SCOC: variants seen among roughly 807,000 people sequenced by gnomAD.
The protein encoded by SCOC is short coiled-coil protein, also known as short coiled coil protein.
Under a neutral mutation model 9.9 loss-of-function variants are expected in SCOC, and 7 were observed. The ratio of observed to expected loss-of-function variants is 0.71; its 90% CI spans 0.40 to 1.33. The LOEUF (loss-of-function observed/expected upper bound fraction) is 1.33, where lower values mean the gene tolerates loss of function less well. Ranked by LOEUF, SCOC falls within the 40% of genes most tolerant of loss-of-function variation. The pLI is 0.01. For synonymous variants in SCOC, 19 were observed against 28.2 expected (o/e 0.67, Z 1.03); for missense variants, 66 against 89.7 (o/e 0.74, Z 1.07).
At chr4:140,301,094 C>G (rs982306923) in intron 1 of SCOC, among the ~76,000 whole-genome samples, 1 of 152,148 alleles carries the variant, frequency 6.6e-6, no homozygotes, top group Admixed American at 6.5e-5. Context: ...AGGCAGTGGT[C>G]ACCCAAGAAT....
At chr4:140,351,834 G>C (rs1194524323) in intron 2 of SCOC, among the ~76,000 whole-genome samples, 1 of 152,092 alleles carries the variant, frequency 6.6e-6, no homozygotes, top group Admixed American at 6.6e-5. Context: ...GGCTAAAGAA[G>C]GAAATAGACT....
At chr4:140,371,828 T>C (rs1024980056), upstream of SCOC, among the ~76,000 whole-genome samples, 4 of 152,208 alleles carry the variant, frequency 2.6e-5, no homozygotes, top group African/African-American at 9.6e-5. Context: ...CATAGCAGTA[T>C]TATTCACAAT....
At chr4:140,372,952 G>A (rs1031081383), upstream of SCOC, among the ~76,000 whole-genome samples, 6 of 152,172 alleles carry the variant, frequency 3.9e-5, no homozygotes, top group Admixed American at 3.3e-4. Flanking sequence ...TCCTTTCTGT[G>A]GGTTGCTGTG....
intron 1 of SCOC, among the ~76,000 whole-genome samples, chr4:140,271,365 A>T (rs993658014): frequency 2.0e-5 from 3 of 152,260 alleles, no homozygotes; most frequent in Non-Finnish European, 4.4e-5. Context: ...CCAAGTGTTA[A>T]TAGGCTGCCT....
At chr4:140,364,686 C>A (rs557258146) in intron 2 of SCOC, among the ~76,000 whole-genome samples, 45 of 152,250 alleles carry the variant, frequency 3.0e-4, no homozygotes, top group South Asian at 1.5e-3. Flanking sequence ...ACAAGAAGGC[C>A]CAGACAATGA....
chr4:140,270,532 C>T (rs1478821551), intron 1 of SCOC, among the ~76,000 whole-genome samples: 1 of 152,030 alleles, frequency 6.6e-6, no homozygotes, highest in East Asian at 1.9e-4. Flanking sequence ...GAGATGGTCT[C>T]ACTATGTTGT....
chr4:140,338,450 G>A (rs1422446149), upstream of SCOC, among the ~76,000 whole-genome samples: 3 of 152,166 alleles, frequency 2.0e-5, no homozygotes, highest in African/African-American at 7.2e-5. Context: ...TCTGGCCAGG[G>A]CAATCAGGCA....
chr4:140,331,723 C>T (rs1370729580), intron 1 of SCOC, among the ~76,000 whole-genome samples: 3 of 152,150 alleles, frequency 2.0e-5, no homozygotes, highest in African/African-American at 7.2e-5. Context: ...CTTTACACAC[C>T]TTCACAGCTC....
chr4:140,275,825 T>G lies in SCOC; in HGVS notation c.-19+18415T>G, dbSNP rs1730967226. Reference sequence around the variant, plus strand: ...CCCTGAACTCGCTCAGGTTTGTTTTTTTTTTTTTTTTTTTTTGAGAGGGAG... The same window carrying G: ...CCCTGAACTCGCTCAGGTTTGTTTTGTTTTTTTTTTTTTTTTGAGAGGGAG... On this transcript the variant is annotated intron_variant, in intron 1 of 4. Coordinates refer to the SCOC transcript ENST00000394205. 3.4e-5 allele frequency among the ~76,000 whole-genome samples: 5 copies of G among 148,716 alleles called. No homozygotes were observed. The South Asian group carries it at 8.7e-4, about 26-fold the overall frequency.
intron 2 of SCOC, among the ~76,000 whole-genome samples, chr4:140,355,743 G>A (rs1727200705): frequency 6.6e-6 from 1 of 152,152 alleles, no homozygotes; most frequent in Non-Finnish European, 1.5e-5. Context: ...AGACATGAAA[G>A]ATAGAATATA....
chr4:140,286,925 TA>T (rs1731288730), intron 1 of SCOC, among the ~76,000 whole-genome samples: 2 of 152,084 alleles, frequency 1.3e-5, no homozygotes, highest in African/African-American at 4.8e-5. Flanking sequence ...GCTCCCTGAC[TA>T]CCCAGCTGGA....
At chr4:140,323,408 G>T (rs890741366) in intron 1 of SCOC, among the ~76,000 whole-genome samples, 5 of 152,148 alleles carry the variant, frequency 3.3e-5, no homozygotes, top group African/African-American at 1.2e-4. Context: ...AAATTACCCA[G>T]CCTCATGTAT....
intron 2 of SCOC, among the ~76,000 whole-genome samples, chr4:140,363,143 T>C (rs1010931167): frequency 5.9e-5 from 9 of 152,180 alleles, no homozygotes; most frequent in African/African-American, 2.2e-4. Context: ...CTCTGCCTCA[T>C]CCCTGTGGGA....
intron 1 of SCOC, among the ~76,000 whole-genome samples, chr4:140,273,874 A>C (rs1393416830): frequency 4.6e-5 from 7 of 152,222 alleles, no homozygotes; most frequent in Non-Finnish European, 1.0e-4. Flanking sequence ...TAAAGCTTAT[A>C]ATAATCATGT....
At chr4:140,375,129 G>A (rs927403793) in intron 1 of SCOC, among the ~76,000 whole-genome samples, 13 of 152,168 alleles carry the variant, frequency 8.5e-5, no homozygotes, top group African/African-American at 2.4e-4. Flanking sequence ...GGCATTTGTT[G>A]TAGTCTTGGC....
intron 2 of SCOC, chr4:140,366,743 C>T (rs971800342): frequency 7.1e-6 from 11 of 1,560,106 alleles, no homozygotes; most frequent in Non-Finnish European, 8.0e-6. Flanking sequence ...GTGCAAGGTC[C>T]ATCAACCAAA....
chr4:140,273,612 G>A (rs890578725), intron 1 of SCOC, among the ~76,000 whole-genome samples: 1 of 151,254 alleles, frequency 6.6e-6, no homozygotes, highest in Admixed American at 6.6e-5. Context: ...CCACTCTGAC[G>A]GGGCTCAGTG....
intron 1 of SCOC, chr4:140,374,281 G>A (rs751448510): frequency 2.4e-6 from 1 of 412,170 alleles, no homozygotes; most frequent in Non-Finnish European, 4.9e-6. Flanking sequence ...TGGGAAGAAA[G>A]GTTTGGAAAG....
intron 1 of SCOC, among the ~76,000 whole-genome samples, 171 bp from the exon 2 acceptor site, chr4:140,378,950 T>C (rs1728457049): frequency 6.6e-6 from 1 of 152,204 alleles, no homozygotes; most frequent in Non-Finnish European, 1.5e-5. Context: ...CAACATTTTC[T>C]CAAACTATTT....
Sources: gnomAD v4.1 joint callset for allele counts (sites outside exome capture counted in the v4.1 genomes callset) on GRCh38, gnomAD v4.1.1 for gene constraint, MANE v1.5 for transcripts, NCBI Gene and HGNC (gene_info 2026-07-23, HGNC 2026-07-21) for gene names.